Variants in CCSER2 observed in about 807,000 individuals in gnomAD.
The protein encoded by CCSER2 is coiled-coil serine rich protein 2.
In CCSER2, 46 loss-of-function variants were observed where a neutral mutation model predicts 92.3. The ratio of observed to expected loss-of-function variants is 0.50; its 90% CI spans 0.39 to 0.64. The LOEUF is 0.64. Among genes scored for constraint, CCSER2 ranks in the 30% least tolerant of loss-of-function variants. CCSER2 has a pLI of 0.00. For missense variants in CCSER2, 1,244 were observed against 1,238.9 expected (o/e 1.00, Z -0.06); for synonymous variants, 433 against 431.4 (o/e 1.00, Z -0.04).
chr10:84,502,790 G>T (rs546745464), intron 9 of CCSER2, among the ~76,000 whole-genome samples: 1 of 152,044 alleles, frequency 6.6e-6, no homozygotes, highest in Non-Finnish European at 1.5e-5. Flanking sequence ...TTTAAGTTAC[G>T]GAAGTATAGT....
At chr10:84,441,344 G>C (rs1025424021) in intron 6 of CCSER2, among the ~76,000 whole-genome samples, 6 of 151,998 alleles carry the variant, frequency 3.9e-5, no homozygotes, top group Admixed American at 3.9e-4. Context: ...GAACTTTTGT[G>C]TGTACTATTC....
Position 84,390,786 on chromosome 10 carries a change from A to T in CCSER2, c.1614+16971A>T, listed in dbSNP as rs553776756. ...CCTACTTGGGCTCTGAAACCTCTAT[A>T]CTATTAATACATGGATTATTTGAAG... On this transcript the variant is annotated intron_variant, in intron 3 of 9. Transcript: ENST00000372088. 77 of 458,210 alleles carry T rather than the reference A, an allele frequency of 1.7e-4. No individual in the cohort carries two copies. The South Asian group carries it at 1.8e-3, about 11-fold the overall frequency. 28.4% of individuals were successfully genotyped at this position (458,210 alleles called of 1,614,324 possible).
intron 9 of CCSER2, among the ~76,000 whole-genome samples, chr10:84,512,391 T>TGA (rs1281993067): frequency 8.4e-5 from 10 of 119,602 alleles, no homozygotes; most frequent in African/African-American, 2.5e-4. Flanking sequence ...TGTGTGTGTG[T>TGA]GTGTGAGAGA....
chr10:84,483,036 G>A (rs1847547015), intron 9 of CCSER2, among the ~76,000 whole-genome samples: 1 of 152,052 alleles, frequency 6.6e-6, no homozygotes, highest in Non-Finnish European at 1.5e-5. Flanking sequence ...TCCATGTTAC[G>A]GTATATATAA....
At chr10:84,411,746 AT>A (rs1470685034) in intron 3 of CCSER2, among the ~76,000 whole-genome samples, 1 of 152,190 alleles carries the variant, frequency 6.6e-6, no homozygotes, top group African/African-American at 2.4e-5. Context: ...GAATTATCTC[AT>A]CTGCAAACAA....
chr10:84,430,289 T>C (rs1325313956), intron 5 of CCSER2, among the ~76,000 whole-genome samples: 3 of 152,194 alleles, frequency 2.0e-5, no homozygotes, highest in African/African-American at 4.8e-5. Flanking sequence ...TTCCTTGGCA[T>C]GTACATACAC....
At chr10:84,382,961 TAAGAG>T (rs1840994165) in intron 3 of CCSER2, among the ~76,000 whole-genome samples, 1 of 152,236 alleles carries the variant, frequency 6.6e-6, no homozygotes, top group South Asian at 2.1e-4. Context: ...TGTGTTTTAC[TAAGAG>T]GAGAGCTGGC....
At chr10:84,413,498 A>G (rs1318492505) in intron 3 of CCSER2, among the ~76,000 whole-genome samples, 1 of 152,276 alleles carries the variant, frequency 6.6e-6, no homozygotes, top group East Asian at 1.9e-4. Flanking sequence ...TGGTTGCACT[A>G]TGGTCCAAGA....
At chr10:84,503,237 AAT>A (rs1848865453) in intron 9 of CCSER2, among the ~76,000 whole-genome samples, 1 of 151,772 alleles carries the variant, frequency 6.6e-6, no homozygotes, top group Non-Finnish European at 1.5e-5. Context: ...AAAAAAAAAG[AAT>A]ATAGGAAAAT....
At chr10:84,342,827 C>T (rs1564580497) in intron 1 of CCSER2, among the ~76,000 whole-genome samples, 1 of 152,188 alleles carries the variant, frequency 6.6e-6, no homozygotes, top group Non-Finnish European at 1.5e-5. Context: ...CCATCATGCC[C>T]ATGTTCTTGA....
rs151337163 is a variant in CCSER2 at position 84,412,037 on chromosome 10, G to A, written c.1615-5734G>A. Among the ~76,000 whole-genome samples, 206 of 152,188 alleles carry A rather than the reference G, an allele frequency of 1.4e-3. 1 individual carries two copies. The highest frequency in any genetic ancestry group is 4.6e-3 in the African/African-American group (192 of 41,538). On this transcript the variant is annotated intron_variant, in intron 3 of 9. Coordinates refer to ENST00000372088, the MANE Select transcript of CCSER2 (RefSeq NM_001284240.2). ...ACATGAAGAGATGTTGAATTTTATC[G>A]AGGGTCTTTTCTGCATTTATTGAGA...
At chr10:84,378,660 C>G (rs1423918120) in intron 3 of CCSER2, among the ~76,000 whole-genome samples, 1 of 152,106 alleles carries the variant, frequency 6.6e-6, no homozygotes, top group Non-Finnish European at 1.5e-5. Context: ...GTCTCGAACT[C>G]CTGACCTCAG....
chr10:84,434,045 G>A (rs1322144365), intron 5 of CCSER2, among the ~76,000 whole-genome samples: 1 of 152,146 alleles, frequency 6.6e-6, no homozygotes, highest in Non-Finnish European at 1.5e-5. Context: ...TTCACTACCG[G>A]AGTTTCTGTT....
At chr10:84,509,073 G>A (rs750933689) in intron 9 of CCSER2, among the ~76,000 whole-genome samples, 7 of 152,176 alleles carry the variant, frequency 4.6e-5, no homozygotes, top group Non-Finnish European at 7.4e-5. Context: ...ACATGCTTGT[G>A]TATAACATGC....
intron 7 of CCSER2, among the ~76,000 whole-genome samples, chr10:84,464,435 G>GT (rs11427286): frequency 0.86 from 129,942 of 151,302 alleles, 55,608 homozygotes; most frequent in East Asian, 0.9. Context: ...GAGTGAAAGT[G>GT]TTTTTTTATA....
At chr10:84,457,887 G>A (rs895788937) in intron 6 of CCSER2, among the ~76,000 whole-genome samples, 2 of 150,754 alleles carry the variant, frequency 1.3e-5, no homozygotes, top group Non-Finnish European at 3.0e-5. Flanking sequence ...GATTACAGGC[G>A]AATGCCACCA....
chr10:84,432,719 A>AT (rs1378324444), intron 5 of CCSER2, among the ~76,000 whole-genome samples: 1 of 152,144 alleles, frequency 6.6e-6, no homozygotes, highest in East Asian at 1.9e-4. Flanking sequence ...ATTTTCAAAA[A>AT]TTTTTAACAT....
chr10:84,506,617 C>T (rs1241432827), intron 9 of CCSER2, among the ~76,000 whole-genome samples: 1 of 151,588 alleles, frequency 6.6e-6, no homozygotes, highest in Non-Finnish European at 1.5e-5. Flanking sequence ...CATAGTGAAA[C>T]CCCGTCTCTA....
At chr10:84,432,581 T>C (rs1843842708) in intron 5 of CCSER2, among the ~76,000 whole-genome samples, 1 of 152,252 alleles carries the variant, frequency 6.6e-6, no homozygotes, top group African/African-American at 2.4e-5. Flanking sequence ...TTGGGTTGTT[T>C]ATTCTCTTGT....
Sources: allele counts gnomAD v4.1 joint callset (sites outside exome capture counted in the v4.1 genomes callset), GRCh38; gene constraint gnomAD v4.1.1; transcripts MANE v1.5; gene names NCBI Gene and HGNC (gene_info 2026-07-23, HGNC 2026-07-21).